The following CYFIP1 variants were observed in gnomAD, a reference collection of about 807,000 sequenced individuals.
The protein encoded by CYFIP1 is cytoplasmic FMR1 interacting protein 1, also known as cytoplasmic FMR1-interacting protein 1.
CYFIP1 carries 58 observed loss-of-function variants against 163.5 expected under a neutral mutation model. The observed-to-expected ratio is 0.35, with a 90% CI of 0.29 to 0.44. The LOEUF (loss-of-function observed/expected upper bound fraction) is 0.44, where lower values mean the gene tolerates loss of function less well. Ranked by LOEUF, CYFIP1 falls within the 20% of genes least tolerant of loss-of-function variation. The pLI, the probability that CYFIP1 is intolerant of heterozygous loss-of-function variation, is 1.00. For synonymous variants in CYFIP1, 663 were observed against 660.7 expected (o/e 1.00, Z -0.05); for missense variants, 1,338 against 1,653.8 (o/e 0.81, Z 3.31).
chr15:22,905,059 T>A (rs1276964334), intron 21 of CYFIP1: 1 of 152,174 alleles, frequency 6.6e-6, no homozygotes, highest in Non-Finnish European at 1.5e-5. Context: ...CTGGTGAAGG[T>A]CTGAGGACAA....
chr15:22,875,342 A>C, intron 26 of CYFIP1, 71 bp from the exon 27 acceptor site: 1 of 1,308,678 alleles, frequency 7.6e-7, no homozygotes, highest in African/African-American at 1.5e-5. Flanking sequence ...GCTGAAAACC[A>C]AGAACTTCTT....
chr15:22,948,328 C>T (rs1422890927), intron 1 of CYFIP1, among the ~76,000 whole-genome samples: 1 of 152,184 alleles, frequency 6.6e-6, no homozygotes, highest in Non-Finnish European at 1.5e-5. Flanking sequence ...CCTGAGACCA[C>T]AGCCAGACAG....
At chr15:22,871,977 T>C (rs1196454780) in intron 30 of CYFIP1, among the ~76,000 whole-genome samples, 3 of 152,122 alleles carry the variant, frequency 2.0e-5, no homozygotes, top group Admixed American at 2.0e-4. Context: ...CTGTGGTGAT[T>C]TGTTGTCATG....
intron 23 of CYFIP1, among the ~76,000 whole-genome samples, chr15:22,886,086 G>A (rs1436510526): frequency 6.6e-6 from 1 of 152,118 alleles, no homozygotes; most frequent in Non-Finnish European, 1.5e-5. Flanking sequence ...TCACAAGGTG[G>A]CAGGAATGAG....
At position 22,883,022 on chromosome 15, in the gene CYFIP1, G is replaced by A. The variant is rs755027026; in HGVS notation, c.2677-11C>T. 6.2e-7 allele frequency: 1 copy of A among 1,612,896 alleles called. No individual in the cohort carries two copies. The highest frequency in any genetic ancestry group is 2.2e-5 in the East Asian group (1 of 44,824). On this transcript the variant is annotated splice_polypyrimidine_tract_variant and intron_variant, in intron 23 of 30. Transcript: ENST00000617928. ...GGCCAAGTTCAAAGCCTGGAAAACA[G>A]GGCACAGAGCTCTCAGCATGGTCCC...
At chr15:22,896,532 G>A (rs2060242854) in intron 22 of CYFIP1, among the ~76,000 whole-genome samples, 1 of 150,050 alleles carries the variant, frequency 6.7e-6, no homozygotes. Flanking sequence ...TTTTTCTTTT[G>A]GTGCTTCAGT....
At chr15:22,919,794 G>A (rs940040140) in intron 13 of CYFIP1, among the ~76,000 whole-genome samples, 1 of 152,066 alleles carries the variant, frequency 6.6e-6, no homozygotes, top group Non-Finnish European at 1.5e-5. Context: ...AGGCTGAGGC[G>A]GGAGAATCAC....
At chr15:22,894,800 CATGT>C (rs910432941) in intron 22 of CYFIP1, among the ~76,000 whole-genome samples, 4 of 146,692 alleles carry the variant, frequency 2.7e-5, no homozygotes, top group East Asian at 2.0e-4. Context: ...TAACATAATA[CATGT>C]ATTTATTCTA....
intron 11 of CYFIP1, among the ~76,000 whole-genome samples, chr15:22,928,732 C>T (rs549411855): frequency 6.6e-6 from 1 of 152,274 alleles, no homozygotes; most frequent in African/African-American, 2.4e-5. Context: ...TTTGAATATA[C>T]CTTTTTATAG....
At chr15:22,958,846 T>C (rs1464726328) in intron 1 of CYFIP1, among the ~76,000 whole-genome samples, 1 of 152,240 alleles carries the variant, frequency 6.6e-6, no homozygotes, top group East Asian at 1.9e-4. Flanking sequence ...CAGTTCTGTC[T>C]TTATCTGTCA....
chr15:22,979,353 G>C (rs915567564), intron 1 of CYFIP1, among the ~76,000 whole-genome samples: 1 of 152,156 alleles, frequency 6.6e-6, no homozygotes, highest in African/African-American at 2.4e-5. Context: ...ACTGCACCAG[G>C]CATCACCGCG....
intron 21 of CYFIP1, among the ~76,000 whole-genome samples, chr15:22,908,518 C>CTTTTTTTTTTTTTTTTTTTTTTTTTTT (rs58565266): frequency 2.6e-5 from 2 of 75,482 alleles, no homozygotes; most frequent in African/African-American, 6.0e-5. Flanking sequence ...GAAGATATTT[C>CTTTTTTTTTTTTTTTTTTTTTTTTTTT]TTTTTTTTTT....
At chr15:22,902,627 C>T (rs768995151) in intron 22 of CYFIP1, among the ~76,000 whole-genome samples, 12 of 152,220 alleles carry the variant, frequency 7.9e-5, no homozygotes, top group African/African-American at 2.2e-4. Context: ...TAAACAGAGA[C>T]GGTGGTCTTC....
intron 1 of CYFIP1, among the ~76,000 whole-genome samples, chr15:22,974,242 C>T (rs1421324862): frequency 1.3e-5 from 2 of 152,126 alleles, no homozygotes; most frequent in Non-Finnish European, 2.9e-5. Flanking sequence ...TATTGCAGCA[C>T]CTTTCACAAC....
chr15:22,939,404 G>GCCTT lies in CYFIP1; in HGVS notation c.666+3_666+6dup, dbSNP rs375674041. On this transcript the variant is annotated splice_region_variant and intron_variant, in intron 7 of 30. Transcript: ENST00000617928. ...CATCAACCTGAGTGTGCAAACACCA[G>GCCTT]CCTTACCTGTGTGATCTTGTTATGA... 1,140 of 1,572,864 alleles carry GCCTT rather than the reference G, an allele frequency of 7.2e-4. 11 individuals are homozygous for GCCTT. The African/African-American group carries it at 0.014, about 19-fold the overall frequency.
chr15:22,972,688 A>G (rs1405996293), intron 1 of CYFIP1, among the ~76,000 whole-genome samples: 1 of 152,200 alleles, frequency 6.6e-6, no homozygotes, highest in Non-Finnish European at 1.5e-5. Flanking sequence ...TGGCTTCTCA[A>G]CATAGACAAA....
intron 23 of CYFIP1, among the ~76,000 whole-genome samples, 159 bp from the exon 24 acceptor site, chr15:22,883,170 C>A (rs998129653): frequency 2.0e-5 from 3 of 152,156 alleles, no homozygotes; most frequent in African/African-American, 7.2e-5. Context: ...AGTTACAAAA[C>A]CTACTTAGCC....
intron 25 of CYFIP1, among the ~76,000 whole-genome samples, chr15:22,881,243 C>T (rs2059752261): frequency 6.6e-6 from 1 of 152,232 alleles, no homozygotes; most frequent in African/African-American, 2.4e-5. Flanking sequence ...CAACACAAGG[C>T]TAGTGTTCAA....
intron 6 of CYFIP1, among the ~76,000 whole-genome samples, chr15:22,941,545 G>T (rs747847701): frequency 6.6e-6 from 1 of 151,906 alleles, no homozygotes; most frequent in East Asian, 1.9e-4. Context: ...CTAGATGCGT[G>T]TGTGTGTGGT....
Sources: allele counts gnomAD v4.1 joint callset (sites outside exome capture counted in the v4.1 genomes callset), GRCh38; gene constraint gnomAD v4.1.1; transcripts MANE v1.5; gene names NCBI Gene and HGNC (gene_info 2026-07-23, HGNC 2026-07-21).